The following TPRG1 variants were observed in gnomAD, a reference collection of about 807,000 sequenced individuals.
The protein encoded by TPRG1 is tumor protein p63-regulated gene 1 protein.
A neutral mutation model predicts 29.3 loss-of-function variants in TPRG1; 29 were observed. That is an observed-to-expected ratio of 0.99 (90% confidence interval 0.74 to 1.35). TPRG1 has a LOEUF of 1.35. TPRG1 is among the 40% of genes most tolerant of loss of function. TPRG1 has a pLI of 0.00. For synonymous variants in TPRG1, 130 were observed against 116.8 expected (o/e 1.11, Z -0.73); for missense variants, 327 against 335.0 (o/e 0.98, Z 0.19).
chr3:189,059,800 G>A (rs554917426), intron 4 of TPRG1, among the ~76,000 whole-genome samples: 1 of 152,164 alleles, frequency 6.6e-6, no homozygotes, highest in Non-Finnish European at 1.5e-5. Flanking sequence ...GATCAAGTAG[G>A]CTTCATCCCC....
At chr3:189,057,695 G>C (rs1483839104) in intron 4 of TPRG1, among the ~76,000 whole-genome samples, 1 of 149,584 alleles carries the variant, frequency 6.7e-6, no homozygotes, top group Non-Finnish European at 1.5e-5. Context: ...GGAGACAAGA[G>C]GGCATTATTC....
intron 1 of TPRG1, among the ~76,000 whole-genome samples, chr3:189,118,660 C>T (rs1161613670): frequency 1.3e-5 from 2 of 152,210 alleles, no homozygotes; most frequent in Non-Finnish European, 2.9e-5. Context: ...CTAAAAGGGG[C>T]CAACATACAG....
intron 2 of TPRG1, among the ~76,000 whole-genome samples, chr3:189,129,365 C>T (rs1366696459): frequency 6.6e-6 from 1 of 152,156 alleles, no homozygotes; most frequent in African/African-American, 2.4e-5. Flanking sequence ...AGCAGGGATG[C>T]GTCCTTCTCA....
chr3:189,038,819 C>T (rs182958129), intron 4 of TPRG1, among the ~76,000 whole-genome samples: 1 of 145,814 alleles, frequency 6.9e-6, no homozygotes, highest in East Asian at 2.0e-4. Flanking sequence ...AATGAATAGA[C>T]AATTCACAGA....
chr3:189,011,265 G>A (rs1350470544), intron 3 of TPRG1, among the ~76,000 whole-genome samples: 2 of 151,950 alleles, frequency 1.3e-5, no homozygotes, highest in African/African-American at 4.8e-5. Flanking sequence ...TGTTCCATAT[G>A]AATTTTAAAA....
intron 3 of TPRG1, among the ~76,000 whole-genome samples, chr3:189,146,597 C>G (rs373414218): frequency 3.3e-5 from 5 of 152,160 alleles, no homozygotes; most frequent in African/African-American, 1.2e-4. Context: ...GAGCACTGAT[C>G]CCCCATATTA....
At chr3:189,054,446 C>G (rs1715526365) in intron 4 of TPRG1, among the ~76,000 whole-genome samples, 1 of 151,260 alleles carries the variant, frequency 6.6e-6, no homozygotes, top group African/African-American at 2.4e-5. Flanking sequence ...TAAGCCACTG[C>G]ATCTAGCCTG....
chr3:189,060,127 G>T (rs1366373327), intron 4 of TPRG1, among the ~76,000 whole-genome samples: 1 of 152,182 alleles, frequency 6.6e-6, no homozygotes, highest in Non-Finnish European at 1.5e-5. Flanking sequence ...AGCTTTTCAG[G>T]AGGCTGAGGC....
At chr3:189,301,035 T>A (rs1577007387) in intron 4 of TPRG1, among the ~76,000 whole-genome samples, 1 of 152,108 alleles carries the variant, frequency 6.6e-6, no homozygotes, top group Non-Finnish European at 1.5e-5. Context: ...CGGTGGCTCA[T>A]GCCTGTAATC....
rs1553900349 is a variant in TPRG1, at chr3:189,080,477, C to T, written c.-462-46580C>T. Among the ~76,000 whole-genome samples the T allele has an allele frequency of 3.3e-5, 5 of 151,906 alleles. No individual in the cohort carries two copies. The South Asian group carries it at 6.2e-4, about 19-fold the overall frequency. ...GTCTTTCTTTTCTTGAATCTTTTTT[C>T]CTGCTTTCCTGGAGCCAAACCTACC... On this transcript the variant is annotated intron_variant, in intron 4 of 10. Coordinates refer to the TPRG1 transcript ENST00000433971.
intron 3 of TPRG1, among the ~76,000 whole-genome samples, chr3:189,136,391 G>A (rs1202633237): frequency 1.3e-5 from 2 of 152,156 alleles, no homozygotes; most frequent in Non-Finnish European, 2.9e-5. Context: ...GAGGAGAGCC[G>A]TTTCTGGAGA....
In TPRG1 at chr3:189,093,313, A is replaced by C. The variant is rs553463349; in HGVS notation, c.-462-33744A>C. Among the ~76,000 whole-genome samples, 8 of 152,316 alleles carry C rather than the reference A, an allele frequency of 5.3e-5. No homozygotes were observed. In the South Asian group the frequency reaches 1.5e-3, roughly 28 times the overall value. Reference sequence around the variant, plus strand: ...GTTTAGACCTTCCTTAAATTCTTTCACATCTCTGCAAACAGGAAGATTAAT... The same window carrying C: ...GTTTAGACCTTCCTTAAATTCTTTCCCATCTCTGCAAACAGGAAGATTAAT... On this transcript the variant is annotated intron_variant, in intron 4 of 10. Transcript: ENST00000433971.
At chr3:189,236,401 G>A (rs1034575969) in intron 3 of TPRG1, among the ~76,000 whole-genome samples, 11 of 152,258 alleles carry the variant, frequency 7.2e-5, no homozygotes, top group African/African-American at 2.4e-4. Context: ...AATCTATTTA[G>A]GGAAGTTTAT....
At chr3:189,160,814 G>A (rs1020174074) in intron 5 of TPRG1, among the ~76,000 whole-genome samples, 1 of 152,212 alleles carries the variant, frequency 6.6e-6, no homozygotes, top group African/African-American at 2.4e-5. Flanking sequence ...TACTTATCGT[G>A]TTCTTCATAT....
intron 1 of TPRG1, among the ~76,000 whole-genome samples, chr3:189,186,273 G>C (rs1730905819): frequency 6.6e-6 from 1 of 152,116 alleles, no homozygotes; most frequent in Non-Finnish European, 1.5e-5. Flanking sequence ...AGGGTGAGAG[G>C]GGAATTTTTC....
chr3:189,307,061 TGCCCAG>T (rs1721741052), intron 4 of TPRG1, among the ~76,000 whole-genome samples: 1 of 152,172 alleles, frequency 6.6e-6, no homozygotes, highest in Non-Finnish European at 1.5e-5. Context: ...CTCGCTCTGT[TGCCCAG>T]GCTGAAGTGC....
intron 4 of TPRG1, among the ~76,000 whole-genome samples, chr3:189,263,930 C>T (rs543975135): frequency 7.2e-5 from 11 of 152,138 alleles, no homozygotes; most frequent in South Asian, 2.1e-4. Flanking sequence ...CAGGTATAGG[C>T]GTGGAGAGGC....
exon 3 of TPRG1, chr3:189,132,680 T>C (rs534294379): frequency 6.6e-6 from 1 of 152,326 alleles, no homozygotes; most frequent in East Asian, 1.9e-4. Flanking sequence ...GCCACTGAAC[T>C]GTCAGGCGGG....
At chr3:189,069,394 A>G (rs1716671363) in intron 4 of TPRG1, among the ~76,000 whole-genome samples, 1 of 152,194 alleles carries the variant, frequency 6.6e-6, no homozygotes, top group Admixed American at 6.5e-5. Context: ...GGGAAACATG[A>G]GAGATTCTTT....
Sources: gnomAD v4.1 joint callset for allele counts (sites outside exome capture counted in the v4.1 genomes callset) on GRCh38, gnomAD v4.1.1 for gene constraint, MANE v1.5 for transcripts, NCBI Gene and HGNC (gene_info 2026-07-23, HGNC 2026-07-21) for gene names.